Variants in ADCY3 observed in about 807,000 individuals in gnomAD.
ADCY3 encodes the protein adenylate cyclase 3.
A neutral mutation model predicts 119.4 loss-of-function variants in ADCY3; 70 were observed. The observed-to-expected ratio is 0.59, with a 90% CI of 0.48 to 0.72. The LOEUF (loss-of-function observed/expected upper bound fraction) is 0.72, where lower values mean the gene tolerates loss of function less well. Among genes scored for constraint, ADCY3 ranks in the 30% least tolerant of loss-of-function variants. The pLI is 0.00. For missense variants in ADCY3, 1,238 were observed against 1,541.6 expected (o/e 0.80, Z 3.30); for synonymous variants, 672 against 621.4 (o/e 1.08, Z -1.21).
intron 3 of ADCY3, among the ~76,000 whole-genome samples, chr2:24,851,652 A>G (rs748342301): frequency 1.3e-5 from 2 of 151,710 alleles, no homozygotes; most frequent in African/African-American, 4.9e-5. Context: ...CCCAGTGCCC[A>G]GGGGCATCGG....
In ADCY3 at chr2:24,826,116, C is replaced by T. The variant is rs750875744; in HGVS notation, c.2506G>A (p.Val836Met). 5.0e-6 allele frequency: 8 copies of T among 1,613,866 alleles called. No individual in the cohort carries two copies. The East Asian group carries it at 1.1e-4, about 22-fold the overall frequency. The change falls in exon 16 of 22, where the codon GTG (valine) becomes ATG (methionine). Residue 836 changes from valine (V) to methionine (M), a missense_variant. Val to Met is a conservative substitution (Grantham distance 21). Coordinates refer to ENST00000679454, the MANE Select transcript of ADCY3 (RefSeq NM_004036.5). The part of the protein sequence containing the change: ...GLNGTDRLPL[V>M]PSKYSMTVMV... ...ACCGTCATAGAGTACTTGGAAGGCA[C>T]CAGGGGCAGCCTGCTGGGCAGAGCG...
chr2:24,890,520 A>G (rs1287980784), intron 2 of ADCY3, among the ~76,000 whole-genome samples: 1 of 152,240 alleles, frequency 6.6e-6, no homozygotes, highest in Non-Finnish European at 1.5e-5. Context: ...GCTATTCAAC[A>G]TTGATAGTTT....
intron 2 of ADCY3, among the ~76,000 whole-genome samples, chr2:24,904,668 C>T (rs6759962): frequency 0.083 from 12,676 of 151,912 alleles, 1,671 homozygotes; most frequent in African/African-American, 0.28. Context: ...TTTTTTAAGA[C>T]AGCATCTCTG....
At chr2:24,827,355 T>C (rs542930006) in intron 15 of ADCY3, among the ~76,000 whole-genome samples, 191 bp downstream of exon 15, 1 of 152,332 alleles carries the variant, frequency 6.6e-6, no homozygotes, top group Non-Finnish European at 1.5e-5. Context: ...GCCATCCACC[T>C]GGTATTTCCT....
chr2:24,819,950 C>G lies in ADCY3; in HGVS notation c.3417G>C (p.Gln1139His). 1 of 1,613,878 alleles carries G rather than the reference C, an allele frequency of 6.2e-7. No individual in the cohort carries two copies. The highest frequency in any genetic ancestry group is 8.5e-7 in the Non-Finnish European group (1 of 1,179,914). ...PNGPSVTLPH[Q>H]VVDNS ...AGGCCATTCAGGAGTTGTCCACCACCTGGTGGGGCAGTGTGACAGAGGGGC... is the reference window on the plus strand; with the variant it reads ...AGGCCATTCAGGAGTTGTCCACCACGTGGTGGGGCAGTGTGACAGAGGGGC... The change falls in exon 22 of 22, where the codon CAG (glutamine) becomes CAC (histidine). Residue 1139 changes from glutamine (Q) to histidine (H), a missense_variant. Around this residue, in one of 7 missense-constraint regions of ADCY3, gnomAD observed 86 missense variants for 70.7 expected, o/e 1.22. Coordinates refer to ENST00000679454, the MANE Select transcript of ADCY3 (RefSeq NM_004036.5).
At chr2:24,884,471 C>CTTTTTTTTTTT (rs1201387570) in intron 2 of ADCY3, among the ~76,000 whole-genome samples, 4 of 97,860 alleles carry the variant, frequency 4.1e-5, no homozygotes, top group African/African-American at 1.9e-4. Flanking sequence ...TTCTAATAAT[C>CTTTTTTTTTTT]TTTTTTTTTT....
intron 2 of ADCY3, among the ~76,000 whole-genome samples, chr2:24,911,647 A>AC (rs1165900052): frequency 3.1e-5 from 3 of 95,372 alleles, no homozygotes; most frequent in Non-Finnish European, 4.8e-5. Flanking sequence ...CAAAAAAAAA[A>AC]AAAAAAAAAA....
chr2:24,862,094 C>T (rs973139971), intron 3 of ADCY3, among the ~76,000 whole-genome samples: 2 of 152,170 alleles, frequency 1.3e-5, no homozygotes, highest in African/African-American at 2.4e-5. Context: ...AGATGACCAG[C>T]GGGGTCATCC....
At position 24,842,218 on chromosome 2, in the gene ADCY3, CTCTGCCA is replaced by C. The variant is rs777405988; in HGVS notation, c.956+29_956+35del. 5 of 1,612,768 alleles carry C rather than the reference CTCTGCCA, an allele frequency of 3.1e-6. No homozygotes were observed. The South Asian group carries it at 5.5e-5, about 18-fold the overall frequency. On this transcript the variant is annotated intron_variant, in intron 4 of 21. Transcript: ENST00000679454. This position sits in a 1 kb window ranked among gnomAD's most constrained non-coding sequence, Gnocchi z 4.9. The stretch of plus-strand genomic sequence containing the variant: ...CAAAGATGCAGCCCTCCACAGCCTG[CTCTGCCA>C]TCAGAGCCCGCGCCCCGGGCCGGCG...
At chr2:24,826,610 T>A (rs1257710114) in intron 15 of ADCY3, 1 of 154,224 alleles carries the variant, frequency 6.5e-6, no homozygotes, top group African/African-American at 2.4e-5. Context: ...ATGTATCCAT[T>A]TCCTGTTGAT....
intron 3 of ADCY3, among the ~76,000 whole-genome samples, chr2:24,855,837 C>A (rs750519106): frequency 6.6e-6 from 1 of 152,144 alleles, no homozygotes; most frequent in African/African-American, 2.4e-5. Flanking sequence ...GCTTCTCACC[C>A]CAGGGCAATC....
chr2:24,859,645 C>T (rs1217353806), intron 3 of ADCY3, among the ~76,000 whole-genome samples: 1 of 152,242 alleles, frequency 6.6e-6, no homozygotes, highest in East Asian at 1.9e-4. Context: ...CTCCCAGTGT[C>T]CCAAGCTCCG....
At chr2:24,911,640 A>ACC in intron 2 of ADCY3, among the ~76,000 whole-genome samples, 1 of 35,334 alleles carries the variant, frequency 2.8e-5, no homozygotes, top group African/African-American at 3.1e-4. Context: ...ACAGACTCAA[A>ACC]AAAAAAAAAA....
At chr2:24,838,916 T>TA (rs775468747) in intron 7 of ADCY3, 63 of 1,552,552 alleles carry the variant, frequency 4.1e-5, no homozygotes, top group Non-Finnish European at 5.5e-5. Context: ...TGATCCGCTG[T>TA]AAAGCAGATC....
At chr2:24,861,658 C>T (rs1460354455) in intron 3 of ADCY3, among the ~76,000 whole-genome samples, 6 of 152,204 alleles carry the variant, frequency 3.9e-5, no homozygotes, top group Non-Finnish European at 8.8e-5. Context: ...TCCGAAGACC[C>T]GTCAGCTGAT....
intron 7 of ADCY3, 174 bp from the exon 8 acceptor site, chr2:24,838,796 T>C: frequency 6.2e-7 from 1 of 1,602,574 alleles, no homozygotes; most frequent in Non-Finnish European, 8.5e-7. Context: ...TGTGGGCCGC[T>C]AACTAGCTGT....
chr2:24,876,057 T>C (rs2148839029), intron 2 of ADCY3, among the ~76,000 whole-genome samples: 1 of 152,076 alleles, frequency 6.6e-6, no homozygotes, highest in Non-Finnish European at 1.5e-5. Flanking sequence ...CAGTGGCACA[T>C]TCAGGGCTCA....
chr2:24,912,805 T>G (rs528747316), intron 2 of ADCY3, among the ~76,000 whole-genome samples: 61 of 152,250 alleles, frequency 4.0e-4, no homozygotes, highest in African/African-American at 1.2e-3. Context: ...GGGCCTAAAT[T>G]GCATATGCAT....
In ADCY3 at chr2:24,842,530, T is replaced by C; in HGVS notation, c.826-146A>G. On this transcript the variant is annotated intron_variant, in intron 3 of 21. Transcript: ENST00000679454. The surrounding 1 kb of genome is among the most constrained non-coding windows in gnomAD (Gnocchi z 4.9). ...TCCAGAGAGACCTCACAGATCTGCC[T>C]CGGGAGCAGCCAGGGGTCTGGGACA... 23 of 1,096,330 alleles carry C rather than the reference T, an allele frequency of 2.1e-5. No homozygotes were observed. Among genetic ancestry groups the C allele is most frequent in the Non-Finnish European group, 3.0e-5 (23 of 774,296 alleles). 67.9% of individuals were successfully genotyped at this position (1,096,330 alleles called of 1,614,324 possible).
Sources: allele counts gnomAD v4.1 joint callset (sites outside exome capture counted in the v4.1 genomes callset), GRCh38; gene constraint gnomAD v4.1.1; regional missense constraint gnomAD v4.1.1; non-coding constraint Gnocchi (gnomAD v3.1); transcripts MANE v1.5; gene names NCBI Gene and HGNC (gene_info 2026-07-23, HGNC 2026-07-21).